MTM1: variants seen among roughly 807,000 people sequenced by gnomAD.
MTM1 encodes the protein myotubularin 1, also known as myotubularin.
A neutral mutation model predicts 52.1 loss-of-function variants in MTM1; 9 were observed. The ratio of observed to expected loss-of-function variants is 0.17; its 90% CI spans 0.10 to 0.30. MTM1 has a LOEUF of 0.30. Among genes scored for constraint, MTM1 ranks in the 10% least tolerant of loss-of-function variants. The pLI is 1.00. For synonymous variants in MTM1, 136 were observed against 163.8 expected (o/e 0.83, Z 1.29); for missense variants, 277 against 470.7 (o/e 0.59, Z 3.81).
At chrX:150,565,787 G>T (rs1557411210), upstream of MTM1, among the ~76,000 whole-genome samples, 1 of 111,916 alleles carries the variant, frequency 8.9e-6, no homozygotes, top group African/African-American at 3.3e-5. Flanking sequence ...AGCAAAAGCG[G>T]GAGGACTCTG....
At chrX:150,566,433 C>T (rs1557411235), upstream of MTM1, among the ~76,000 whole-genome samples, 1 of 111,920 alleles carries the variant, frequency 8.9e-6, no homozygotes, top group Non-Finnish European at 1.9e-5. Context: ...CCACCGCGCC[C>T]AGCCCATAGT....
rs781816016 is a variant in MTM1 at position 150,645,785 on chromosome X, C to G, written c.781C>G (p.Leu261Val). The part of the protein sequence containing the change: ...GKRNKDDEKY[L>V]DVIRETNKQI... The stretch of plus-strand genomic sequence containing the variant: ...ACGAAATAAAGATGATGAGAAATAT[C>G]TCGATGTTATCAGGGAGACTAATAA... Residue 261 changes from leucine (L) to valine (V), a missense_variant, in exon 9 of 15, where the codon CTC (leucine) becomes GTC (valine). Around this residue, in one of 4 missense-constraint regions of MTM1, gnomAD observed 164 missense variants for 283.3 expected, o/e 0.58. Coordinates refer to ENST00000370396, the MANE Select transcript of MTM1 (RefSeq NM_000252.3). The G allele has an allele frequency of 5.0e-6, 6 of 1,209,915 alleles. No individual in the cohort carries two copies. Among genetic ancestry groups the G allele is most frequent in the Non-Finnish European group, 6.7e-6 (6 of 893,962 alleles).
In MTM1 at chrX:150,583,917, A is replaced by ATATT. The variant is rs1199078789; in HGVS notation, c.-10-8688_-10-8687insTATT. The stretch of plus-strand genomic sequence containing the variant: ...TATTTGATATATATATATATAATAT[A>ATATT]AAATATATATTAAATTAAAATATAT... On this transcript the variant is annotated intron_variant, in intron 1 of 14. Transcript: ENST00000370396. Among the ~76,000 whole-genome samples, 473 of 53,158 alleles carry ATATT rather than the reference A, an allele frequency of 8.9e-3. 41 individuals are homozygous for ATATT. Among genetic ancestry groups the ATATT allele is most frequent in the Non-Finnish European group, 0.011 (302 of 28,704 alleles). The allele number at this position is 53,158 out of a possible 115,157, so 46.2% of individuals were successfully genotyped here.
At chrX:150,625,278 G>A (rs1557413376) in intron 6 of MTM1, among the ~76,000 whole-genome samples, 2 of 111,922 alleles carry the variant, frequency 1.8e-5, no homozygotes, top group Admixed American at 9.4e-5. Flanking sequence ...TGCTTACGAC[G>A]CTGCCTGGCA....
intron 6 of MTM1, among the ~76,000 whole-genome samples, chrX:150,638,381 G>C (rs1557413749): frequency 9.0e-6 from 1 of 111,082 alleles, no homozygotes; most frequent in Non-Finnish European, 1.9e-5. Context: ...TCAACAGCAC[G>C]TTGAGGGTGA....
In MTM1 at chrX:150,662,566, C is replaced by T. The variant is rs940497904; in HGVS notation, c.1468-867C>T. Among the ~76,000 whole-genome samples the T allele has an allele frequency of 3.5e-4, 39 of 111,609 alleles. 1 individual carries two copies. The highest frequency in any genetic ancestry group is 5.7e-4 in the Admixed American group (6 of 10,544). On this transcript the variant is annotated intron_variant, in intron 13 of 14. Coordinates refer to ENST00000370396, the MANE Select transcript of MTM1 (RefSeq NM_000252.3). The stretch of plus-strand genomic sequence containing the variant: ...CTCAAACTCCTGACCTCAGGTGATC[C>T]GCCTGCCTCAGCCTCCCAAAGTGCT...
chrX:150,655,185 C>T (rs782464428), intron 10 of MTM1, among the ~76,000 whole-genome samples: 1 of 109,048 alleles, frequency 9.2e-6, no homozygotes, highest in African/African-American at 3.3e-5. Context: ...ATTAGCTGGG[C>T]GTGGTGGCGG....
intron 6 of MTM1, among the ~76,000 whole-genome samples, chrX:150,624,797 T>G (rs1355092670): frequency 1.8e-5 from 2 of 112,401 alleles, no homozygotes; most frequent in Non-Finnish European, 3.8e-5. Flanking sequence ...TCCAAAAAGT[T>G]TGAAAAACAC....
chrX:150,567,060 C>T (rs7061994), upstream of MTM1, among the ~76,000 whole-genome samples: 7 of 110,578 alleles, frequency 6.3e-5, no homozygotes, highest in African/African-American at 1.3e-4. Context: ...TCTAATTGTG[C>T]GGGGGCCCAG....
chrX:150,583,115 T>TA (rs1557411944), intron 1 of MTM1, among the ~76,000 whole-genome samples: 25 of 82,948 alleles, frequency 3.0e-4, no homozygotes, highest in Non-Finnish European at 5.4e-4. Flanking sequence ...AAATTATAAA[T>TA]TATGTAAATT....
intron 9 of MTM1, among the ~76,000 whole-genome samples, chrX:150,647,488 T>C (rs1335695999): frequency 9.0e-6 from 1 of 111,244 alleles, no homozygotes; most frequent in African/African-American, 3.3e-5. Flanking sequence ...AAAGCTCACT[T>C]GTTTCTCCCT....
intron 1 of MTM1, among the ~76,000 whole-genome samples, chrX:150,585,062 G>GGA (rs368036277): frequency 1.8e-3 from 181 of 101,085 alleles, no homozygotes; most frequent in Middle Eastern, 0.01. Context: ...ACAGAGAAGT[G>GGA]GAGAGAGAGA....
chrX:150,591,991 C>G (rs2038893459), intron 1 of MTM1, among the ~76,000 whole-genome samples: 1 of 112,309 alleles, frequency 8.9e-6, no homozygotes, highest in African/African-American at 3.2e-5. Context: ...TGTGTATGTT[C>G]TGAATAGAAT....
intron 14 of MTM1, among the ~76,000 whole-genome samples, chrX:150,669,457 A>G (rs963886320): frequency 8.9e-6 from 1 of 111,772 alleles, no homozygotes; most frequent in African/African-American, 3.3e-5. Context: ...GTCTTCCACA[A>G]TGGTTGAACT....
intron 14 of MTM1, among the ~76,000 whole-genome samples, chrX:150,664,763 A>T (rs182510579): frequency 7.6e-4 from 86 of 112,604 alleles, no homozygotes; most frequent in African/African-American, 2.5e-3. Context: ...TTATTAAAAA[A>T]TGTTTTTATA....
intron 8 of MTM1, among the ~76,000 whole-genome samples, chrX:150,642,393 G>A (rs1557413874): frequency 4.5e-5 from 5 of 111,847 alleles, no homozygotes. Context: ...TGTCTGTCAT[G>A]TTTTTCCACT....
intron 6 of MTM1, among the ~76,000 whole-genome samples, chrX:150,626,206 A>G (rs1557413407): frequency 8.9e-6 from 1 of 112,743 alleles, no homozygotes. Flanking sequence ...AAAGATTTTC[A>G]TAAAAGTTAG....
chrX:150,588,291 A>C (rs1557412349), intron 1 of MTM1, among the ~76,000 whole-genome samples: 1 of 112,103 alleles, frequency 8.9e-6, no homozygotes, highest in Middle Eastern at 4.2e-3. Context: ...CAAAAGCTGC[A>C]TACCTTTGTC....
upstream of MTM1, among the ~76,000 whole-genome samples, chrX:150,566,492 C>T: frequency 9.0e-6 from 1 of 111,719 alleles, no homozygotes; most frequent in South Asian, 3.8e-4. Context: ...TTGCCTCATT[C>T]GATCTCTGCA....
Sources: gnomAD v4.1 joint callset for allele counts (sites outside exome capture counted in the v4.1 genomes callset) on GRCh38, gnomAD v4.1.1 for gene constraint, gnomAD v4.1.1 regional missense constraint, MANE v1.5 for transcripts, NCBI Gene and HGNC (gene_info 2026-07-23, HGNC 2026-07-21) for gene names.